IMPACT: variants seen among roughly 807,000 people sequenced by gnomAD.
The protein encoded by IMPACT is protein IMPACT.
IMPACT carries 35 observed loss-of-function variants against 47.5 expected under a neutral mutation model. The observed-to-expected ratio is 0.74, with a 90% CI of 0.56 to 0.98. The LOEUF (loss-of-function observed/expected upper bound fraction) is 0.98. Among genes scored for constraint, IMPACT ranks in the 50% least tolerant of loss-of-function variants. IMPACT has a pLI of 0.00. For missense variants in IMPACT, 373 were observed against 394.8 expected (o/e 0.94, Z 0.47); for synonymous variants, 118 against 125.6 (o/e 0.94, Z 0.40).
At chr18:24,443,424 G>C (rs1284633160) in intron 7 of IMPACT, among the ~76,000 whole-genome samples, 11 of 151,856 alleles carry the variant, frequency 7.2e-5, no homozygotes, top group African/African-American at 2.7e-4. Flanking sequence ...CCTGCCTCCA[G>C]CCCTCCCAAT....
intron 4 of IMPACT, among the ~76,000 whole-genome samples, chr18:24,431,295 G>A (rs556176421): frequency 6.6e-6 from 1 of 152,172 alleles, no homozygotes; most frequent in African/African-American, 2.4e-5. Flanking sequence ...CACAGCACAG[G>A]GCTTGGTGTT....
chr18:24,443,076 T>C lies in IMPACT; in HGVS notation c.518T>C (p.Ile173Thr), dbSNP rs201711042. ...GTAGAAGTAGAAGAATTACCTCCGA[T>C]TGATCATGGCATTCCTATTACAGAC... ...TEVEVEELPP[I>T]DHGIPITDRR... The change falls in exon 7 of 11, where the codon ATT becomes ACT. Residue 173 changes from isoleucine (I) to threonine (T), a missense_variant. Physicochemically the swap from Ile to Thr is moderately conservative, Grantham distance 89. Transcript: ENST00000284202. 3 of 1,599,700 alleles carry C rather than the reference T, an allele frequency of 1.9e-6. 1 individual carries two copies. In the South Asian group the frequency reaches 3.3e-5, roughly 18 times the overall value.
At chr18:24,428,257 C>A (rs1419895681) in intron 2 of IMPACT, among the ~76,000 whole-genome samples, 1 of 152,186 alleles carries the variant, frequency 6.6e-6, no homozygotes, top group East Asian at 1.9e-4. Flanking sequence ...TGCTTTTAAT[C>A]ATTTAAAAGT....
intron 4 of IMPACT, 106 bp from the exon 5 acceptor site, chr18:24,437,849 G>A (rs1228569131): frequency 1.6e-6 from 1 of 642,606 alleles, no homozygotes; most frequent in Non-Finnish European, 2.8e-6. Context: ...AAAAGAAATG[G>A]TTAGATTGTT....
In IMPACT at chr18:24,440,608, A is replaced by C. The variant is rs757449097; in HGVS notation, c.480A>C (p.Glu160Asp). Residue 160 changes from glutamate (E) to aspartate (D), a missense_variant, in exon 6 of 11, where the codon GAA becomes GAC. Coordinates refer to ENST00000284202, the MANE Select transcript of IMPACT (RefSeq NM_018439.4). ...AAGCATTGGATTTTGATATCAGTGAAACTCGGACAGGTATAATGTTACTAA... is the reference window on the plus strand; with the variant it reads ...AAGCATTGGATTTTGATATCAGTGACACTCGGACAGGTATAATGTTACTAA... Reference protein sequence around the residue: ...SLKALDFDISETRTEVEVEEL... With the variant: ...SLKALDFDISDTRTEVEVEEL... 1 of 1,612,930 alleles carries C rather than the reference A, an allele frequency of 6.2e-7. No individual in the cohort carries two copies. The highest frequency in any genetic ancestry group is 8.5e-7 in the Non-Finnish European group (1 of 1,179,438).
At chr18:24,448,449 G>T (rs4800185) in intron 9 of IMPACT, among the ~76,000 whole-genome samples, 4 of 151,748 alleles carry the variant, frequency 2.6e-5, no homozygotes, top group Non-Finnish European at 5.9e-5. Flanking sequence ...AAAACACTTT[G>T]TTTTTTTGAC....
chr18:24,432,624 T>A (rs1282218033), intron 4 of IMPACT, among the ~76,000 whole-genome samples: 1 of 152,206 alleles, frequency 6.6e-6, no homozygotes, highest in Non-Finnish European at 1.5e-5. Context: ...CTCCCTAACA[T>A]TACTGGCCAC....
At position 24,451,436 on chromosome 18, in the gene IMPACT, A is replaced by T. The variant is rs1304266035; in HGVS notation, c.*589A>T. 2.0e-5 allele frequency: 3 copies of T among 152,234 alleles called. No individual in the cohort carries two copies. The highest frequency in any genetic ancestry group is 4.4e-5 in the Non-Finnish European group (3 of 68,052). The allele number at this position is 152,234 out of a possible 1,614,324, so 9.4% of individuals were successfully genotyped here. Reference sequence around the variant, plus strand: ...CAGTTATGTGCTGAGGTGATAATTCATCCAACATATTTGTTAGCATAAATA... The same window carrying T: ...CAGTTATGTGCTGAGGTGATAATTCTTCCAACATATTTGTTAGCATAAATA... On this transcript the variant is annotated 3_prime_UTR_variant, in exon 11 of 11. Coordinates refer to ENST00000284202, the MANE Select transcript of IMPACT (RefSeq NM_018439.4).
intron 8 of IMPACT, 141 bp from the exon 9 acceptor site, chr18:24,447,952 A>G: frequency 1.8e-6 from 1 of 556,602 alleles, no homozygotes; most frequent in Non-Finnish European, 3.2e-6. Flanking sequence ...AATATATCTA[A>G]TATAATACAT....
intron 10 of IMPACT, among the ~76,000 whole-genome samples, chr18:24,450,500 T>C (rs942183668): frequency 6.6e-6 from 1 of 152,204 alleles, no homozygotes; most frequent in African/African-American, 2.4e-5. Context: ...ATGAAATAAT[T>C]TTGAAATTAT....
Position 24,451,092 on chromosome 18 carries a change from A to G in IMPACT, c.*245A>G, listed in dbSNP as rs1046527956. 9.5e-6 allele frequency: 3 copies of G among 316,218 alleles called. No individual in the cohort carries two copies. Among genetic ancestry groups the G allele is most frequent in the African/African-American group, 6.4e-5 (3 of 46,598 alleles). 19.6% of individuals were successfully genotyped at this position (316,218 alleles called of 1,614,324 possible). A position where few individuals can be genotyped will look rare whatever the true frequency, so the allele number is the denominator to read the frequency against. On this transcript the variant is annotated 3_prime_UTR_variant, in exon 11 of 11. Coordinates refer to ENST00000284202, the MANE Select transcript of IMPACT (RefSeq NM_018439.4). ...TTGAACTTAATCACCACTTCATCTA[A>G]TTTTAGCAAGGTAACAGTTGCCCAG...
intron 7 of IMPACT, 47 bp downstream of exon 7, chr18:24,443,199 C>A: frequency 2.3e-6 from 2 of 869,410 alleles, no homozygotes; most frequent in South Asian, 3.2e-5. Flanking sequence ...TAAAATAATT[C>A]AGGTAAATGA....
chr18:24,435,566 A>G (rs368654620), intron 4 of IMPACT: 6 of 152,334 alleles, frequency 3.9e-5, no homozygotes, highest in African/African-American at 1.4e-4. Flanking sequence ...ATCAAAAATT[A>G]CACTGGATAA....
chr18:24,428,931 A>G lies in IMPACT; in HGVS notation c.218+10A>G, dbSNP rs760508757. ...CTATCTACCAGTTGAAGTAAGCTGT[A>G]TTTCTACGTTTATATTGCTATAAAA... On this transcript the variant is annotated intron_variant, in intron 3 of 10. Transcript: ENST00000284202. 3 of 1,593,164 alleles carry G rather than the reference A, an allele frequency of 1.9e-6. No individual in the cohort carries two copies. The South Asian group carries it at 3.3e-5, about 18-fold the overall frequency.
In IMPACT at chr18:24,434,784, T is replaced by A. The variant is rs1394296111; in HGVS notation, c.282-3171T>A. On this transcript the variant is annotated intron_variant, in intron 4 of 10. Transcript: ENST00000284202. Reference sequence around the variant, plus strand: ...GTCTCAAAAAAAAAAAAAATATATATATATATATATATGTGTGTGTGTGTG... The same window carrying A: ...GTCTCAAAAAAAAAAAAAATATATAAATATATATATATGTGTGTGTGTGTG... Among the ~76,000 whole-genome samples the A allele has an allele frequency of 4.6e-3, 517 of 112,162 alleles. 27 individuals carry two copies. Among genetic ancestry groups the A allele is most frequent in the African/African-American group, 0.013 (461 of 34,320 alleles). The allele number at this position is 112,162 out of a possible 152,430, so 73.6% of individuals were successfully genotyped here. A position where few individuals can be genotyped will look rare whatever the true frequency, so the allele number is the denominator to read the frequency against.
intron 9 of IMPACT, among the ~76,000 whole-genome samples, chr18:24,448,677 C>A (rs1464147340): frequency 6.6e-6 from 1 of 151,524 alleles, no homozygotes; most frequent in African/African-American, 2.4e-5. Context: ...AGAGTTCTTT[C>A]TTGTTTTCTG....
intron 1 of IMPACT, 200 bp downstream of exon 1, chr18:24,426,992 G>T (rs898820752): frequency 7.5e-6 from 3 of 400,922 alleles, no homozygotes; most frequent in Admixed American, 8.9e-5. Context: ...CTCCTCGGCG[G>T]CCGCGGTCTC....
At chr18:24,437,091 T>A (rs553422120) in intron 4 of IMPACT, among the ~76,000 whole-genome samples, 57 of 152,272 alleles carry the variant, frequency 3.7e-4, no homozygotes, top group Non-Finnish European at 7.8e-4. Context: ...GTTTCGAAAG[T>A]TTTGGTGGGT....
intron 4 of IMPACT, among the ~76,000 whole-genome samples, chr18:24,434,123 T>C (rs1908841203): frequency 6.6e-6 from 1 of 152,114 alleles, no homozygotes; most frequent in African/African-American, 2.4e-5. Context: ...GAGGATTGCT[T>C]GAAGCTAGAA....
Sources: gnomAD v4.1 joint callset for allele counts (sites outside exome capture counted in the v4.1 genomes callset) on GRCh38, gnomAD v4.1.1 for gene constraint, MANE v1.5 for transcripts, NCBI Gene and HGNC (gene_info 2026-07-23, HGNC 2026-07-21) for gene names.